The following PACSIN2 variants were observed in gnomAD, a reference collection of about 807,000 sequenced individuals.
The protein encoded by PACSIN2 is protein kinase C and casein kinase substrate in neurons protein 2.
Under a neutral mutation model 63.8 loss-of-function variants are expected in PACSIN2, and 25 were observed. The ratio of observed to expected loss-of-function variants is 0.39; its 90% CI spans 0.29 to 0.55. PACSIN2 has a LOEUF of 0.55. Among genes scored for constraint, PACSIN2 ranks in the 20% least tolerant of loss-of-function variants. The probability of loss-of-function intolerance (pLI) is 0.62; values close to 1 mark genes in which losing one functional copy is unlikely to be tolerated. For missense variants in PACSIN2, 518 were observed against 646.9 expected (o/e 0.80, Z 2.16); for synonymous variants, 255 against 256.2 (o/e 1.00, Z 0.05).
chr22:42,882,387 C>T, intron 6 of PACSIN2, 83 bp from the exon 7 acceptor site: 6 of 1,462,510 alleles, frequency 4.1e-6, no homozygotes, highest in Non-Finnish European at 5.5e-6. Flanking sequence ...CACAGCAGGT[C>T]CCGTGGTCTC....
At chr22:42,985,837 C>T (rs976890180) in intron 1 of PACSIN2, among the ~76,000 whole-genome samples, 2 of 152,194 alleles carry the variant, frequency 1.3e-5, no homozygotes, top group African/African-American at 4.8e-5. Flanking sequence ...CCCAGGTTCT[C>T]CACAGTCTCA....
chr22:42,883,724 G>A (rs965092903), intron 6 of PACSIN2, among the ~76,000 whole-genome samples: 6 of 152,218 alleles, frequency 3.9e-5, no homozygotes, highest in East Asian at 1.9e-4. Flanking sequence ...TGCCAGCTGC[G>A]GCCAGGTGCG....
chr22:42,950,939 G>A (rs1440653192), intron 1 of PACSIN2, among the ~76,000 whole-genome samples: 1 of 152,164 alleles, frequency 6.6e-6, no homozygotes, highest in East Asian at 1.9e-4. Flanking sequence ...ACAGCATTAA[G>A]GGCTGGGGGA....
At chr22:42,993,763 C>A (rs1054053110) in intron 1 of PACSIN2, 1 of 152,254 alleles carries the variant, frequency 6.6e-6, no homozygotes. Flanking sequence ...ATCTCCACAT[C>A]CGACCTGGCA....
At position 42,876,220 on chromosome 22, in the gene PACSIN2, T is replaced by G. The variant is rs761114005; in HGVS notation, c.1265A>C (p.Asp422Ala). 2.5e-6 allele frequency: 4 copies of G among 1,614,148 alleles called. No individual in the cohort carries two copies. The highest frequency in any genetic ancestry group is 3.3e-5 in the Admixed American group (2 of 60,020). Residue 422 changes from aspartate (D) to alanine (A), a missense_variant, in exon 10 of 11, where the codon GAC (aspartate) becomes GCC (alanine). Asp to Ala is a moderately radical substitution (Grantham distance 126). Transcript: ENST00000263246. ...ANGDSNPFDD[D>A]ATSGTEVRVR... ...TCGCACTTCCGTCCCCGAGGTGGCGTCGTCGTCGAATGGATTCGAGTCCCC... is the reference window on the plus strand; with the variant it reads ...TCGCACTTCCGTCCCCGAGGTGGCGGCGTCGTCGAATGGATTCGAGTCCCC...
At chr22:42,900,012 C>T (rs569574985) in intron 2 of PACSIN2, among the ~76,000 whole-genome samples, 3 of 152,264 alleles carry the variant, frequency 2.0e-5, no homozygotes, top group Admixed American at 1.3e-4. Context: ...TATTGATGAG[C>T]GAGTCCCCCT....
At chr22:42,941,751 C>A (rs1455686755) in intron 1 of PACSIN2, among the ~76,000 whole-genome samples, 3 of 151,938 alleles carry the variant, frequency 2.0e-5, no homozygotes, top group Non-Finnish European at 4.4e-5. Context: ...CTTCTTATTG[C>A]TGAGTTTGGG....
intron 1 of PACSIN2, among the ~76,000 whole-genome samples, chr22:42,922,073 C>T (rs889072487): frequency 5.3e-5 from 8 of 152,186 alleles, no homozygotes; most frequent in African/African-American, 9.7e-5. Flanking sequence ...TCTGGGAATC[C>T]GGGAATGACT....
intron 1 of PACSIN2, among the ~76,000 whole-genome samples, chr22:42,967,639 A>G (rs564813162): frequency 1.3e-5 from 2 of 152,252 alleles, no homozygotes; most frequent in Non-Finnish European, 2.9e-5. Context: ...CTGTAATCCC[A>G]GCACTTTGGG....
intron 1 of PACSIN2, among the ~76,000 whole-genome samples, chr22:43,010,601 T>C (rs905915916): frequency 3.3e-5 from 5 of 151,914 alleles, no homozygotes; most frequent in African/African-American, 1.2e-4. Context: ...TCCCAGCTAC[T>C]TGGGAGGCTG....
chr22:42,965,095 G>A (rs534004336), intron 1 of PACSIN2, among the ~76,000 whole-genome samples: 5 of 152,250 alleles, frequency 3.3e-5, no homozygotes, highest in African/African-American at 9.6e-5. Context: ...AAAACCACTC[G>A]GCAATAAAAA....
intron 1 of PACSIN2, among the ~76,000 whole-genome samples, chr22:42,932,344 T>C (rs754671658): frequency 1.1e-3 from 166 of 152,320 alleles, no homozygotes; most frequent in Non-Finnish European, 1.7e-3. Context: ...CCACCAACTC[T>C]AGCCTGTTAC....
intron 1 of PACSIN2, among the ~76,000 whole-genome samples, chr22:42,989,090 G>A (rs1246238254): frequency 6.6e-6 from 1 of 152,112 alleles, no homozygotes; most frequent in Non-Finnish European, 1.5e-5. Flanking sequence ...TGTTGCCCAG[G>A]CTGGTCTCAA....
At chr22:42,983,109 G>A (rs1007767668) in intron 1 of PACSIN2, among the ~76,000 whole-genome samples, 5 of 151,640 alleles carry the variant, frequency 3.3e-5, no homozygotes, top group Non-Finnish European at 7.4e-5. Flanking sequence ...CTGAAGTCAC[G>A]AGTTCGAGAC....
intron 1 of PACSIN2, among the ~76,000 whole-genome samples, chr22:42,934,354 G>A (rs995092738): frequency 1.3e-5 from 2 of 152,252 alleles, no homozygotes; most frequent in Admixed American, 6.5e-5. Context: ...CACTGTGTGT[G>A]TGCAGATCGC....
chr22:42,956,207 G>C (rs1463712317), intron 1 of PACSIN2, among the ~76,000 whole-genome samples: 2 of 152,118 alleles, frequency 1.3e-5, no homozygotes, highest in Admixed American at 6.5e-5. Context: ...ATGACCACTG[G>C]CACACATTTC....
At position 43,007,903 on chromosome 22, in the gene PACSIN2, G is replaced by A. The variant is rs80083031; in HGVS notation, c.-78+7118C>T. On this transcript the variant is annotated intron_variant, in intron 1 of 10. Transcript: ENST00000263246. ...CCACCCACAGATGCTCCCTCCACAT[G>A]AGCCACTGAGATATCCTCCAAACAC... 4.0e-3 allele frequency among the ~76,000 whole-genome samples: 608 copies of A among 152,228 alleles called. 2 individuals carry two copies. Among genetic ancestry groups the A allele is most frequent in the African/African-American group, 0.014 (585 of 41,518 alleles).
At chr22:42,887,649 A>C (rs1192669221) in intron 5 of PACSIN2, among the ~76,000 whole-genome samples, 1 of 151,852 alleles carries the variant, frequency 6.6e-6, no homozygotes, top group African/African-American at 2.4e-5. Flanking sequence ...TGACCAAAGG[A>C]GGGGAGGTGG....
intron 2 of PACSIN2, among the ~76,000 whole-genome samples, chr22:42,909,108 C>T (rs1045887594): frequency 1.3e-5 from 2 of 152,146 alleles, no homozygotes; most frequent in Non-Finnish European, 2.9e-5. Context: ...TTCCTTCATT[C>T]GTCCAGCAAG....
Sources: gnomAD v4.1 joint callset for allele counts (sites outside exome capture counted in the v4.1 genomes callset) on GRCh38, gnomAD v4.1.1 for gene constraint, MANE v1.5 for transcripts, NCBI Gene and HGNC (gene_info 2026-07-23, HGNC 2026-07-21) for gene names.